The following GAS1 variants were observed in gnomAD, a reference collection of about 807,000 sequenced individuals.
GAS1 encodes the protein growth arrest-specific protein 1.
Under a neutral mutation model 21.6 loss-of-function variants are expected in GAS1, and 10 were observed. The observed-to-expected ratio is 0.46, with a 90% CI of 0.29 to 0.79. The LOEUF is 0.79. Ranked by LOEUF, GAS1 falls within the 30% of genes least tolerant of loss-of-function variation. The pLI, the probability that GAS1 is intolerant of heterozygous loss-of-function variation, is 0.10. For missense variants in GAS1, 567 were observed against 544.3 expected (o/e 1.04, Z -0.42); for synonymous variants, 332 against 264.0 (o/e 1.26, Z -2.50).
chr9:86,946,540 G>C lies in GAS1; in HGVS notation c.240C>G (p.Gly80=). The change falls in exon 1 of 1, where the codon GGC becomes GGG. Residue 80 remains glycine (G), a synonymous_variant. Transcript: ENST00000298743. This position sits in a 1 kb window ranked among gnomAD's most constrained non-coding sequence, Gnocchi z 5.2. ...CGGCGGCCCCGGGCGCGTCGCCCCC[G>C]CCGTGCTGCGCCAGCACCGGCGCGC... ...EACAPVLAQH[G]GGDAPGAAAA... is the part of the protein sequence containing the mutation. The C allele has an allele frequency of 7.2e-7, 1 of 1,397,284 alleles. No individual in the cohort carries two copies. The highest frequency in any genetic ancestry group is 1.5e-5 in the South Asian group (1 of 64,792). 86.6% of individuals were successfully genotyped at this position (1,397,284 alleles called of 1,614,324 possible). A position where few individuals can be genotyped will look rare whatever the true frequency, so the allele number is the denominator to read the frequency against.
In GAS1 at chr9:86,947,358, C is replaced by G. The variant is rs569804569; in HGVS notation, c.-579G>C. ...CCTCCCCCTCCGCCCGCGGCAACCC[C>G]GGCCTCCGCAGAGCTCCGGGGAGCT... On this transcript the variant is annotated 5_prime_UTR_variant, in exon 1 of 1. Transcript: ENST00000298743. Among the ~76,000 whole-genome samples, 1 of 151,990 alleles carries G rather than the reference C, an allele frequency of 6.6e-6. No homozygotes were observed. Among genetic ancestry groups the G allele is most frequent in the South Asian group, 2.1e-4 (1 of 4,828 alleles).
In GAS1 at chr9:86,945,855, G is replaced by C; in HGVS notation, c.925C>G (p.Leu309Val). The change falls in exon 1 of 1, where the codon CTG (leucine) becomes GTG (valine). Residue 309 changes from leucine (L) to valine (V), a missense_variant. Physicochemically the swap from Leu to Val is conservative, Grantham distance 32. Coordinates refer to ENST00000298743, the MANE Select transcript of GAS1 (RefSeq NM_002048.3). ...GAAASGGRGD[L>V]PYGPGRRSSG... The stretch of plus-strand genomic sequence containing the variant: ...CTCCTGCGCCCAGGCCCATAGGGCA[G>C]GTCCCCGCGGCCGCCCGATGCAGCA... The C allele has an allele frequency of 6.7e-7, 1 of 1,484,826 alleles. No homozygotes were observed. Among genetic ancestry groups the C allele is most frequent in the East Asian group, 2.7e-5 (1 of 37,592 alleles). 92.0% of individuals were successfully genotyped at this position (1,484,826 alleles called of 1,614,324 possible). A position where few individuals can be genotyped will look rare whatever the true frequency, so the allele number is the denominator to read the frequency against.
At position 86,945,682 on chromosome 9, in the gene GAS1, G is replaced by C. The variant is rs941614019; in HGVS notation, c.*60C>G. The C allele has an allele frequency of 2.1e-6, 3 of 1,442,450 alleles. No individual in the cohort carries two copies. The highest frequency in any genetic ancestry group is 2.8e-6 in the Non-Finnish European group (3 of 1,090,198). 89.4% of individuals were successfully genotyped at this position (1,442,450 alleles called of 1,614,324 possible). On this transcript the variant is annotated 3_prime_UTR_variant, in exon 1 of 1. Coordinates refer to ENST00000298743, the MANE Select transcript of GAS1 (RefSeq NM_002048.3). The stretch of plus-strand genomic sequence containing the variant: ...AGCCACAGGTGCCCGGCGCGGGGTC[G>C]AGGCGAGCACGGGAGTGGGACGCGG...
rs993153385 is a variant in GAS1, at chr9:86,946,308, G to T, written c.472C>A (p.Pro158Thr). The change falls in exon 1 of 1, where the codon CCC (proline) becomes ACC (threonine). Residue 158 changes from proline to threonine, a missense_variant. By Grantham distance (38) the Pro-to-Thr change is conservative. Coordinates refer to ENST00000298743, the MANE Select transcript of GAS1 (RefSeq NM_002048.3). This position sits in a 1 kb window ranked among gnomAD's most constrained non-coding sequence, Gnocchi z 5.2. ...CAGCCCATGACCCCGCCCGCGCCGG[G>T]GCCGCCCGCGCCGCCGCCGCTCGTC... ...PRTSGGGAGG[P>T]GAGGVMGCTE... 8 of 1,406,588 alleles carry T rather than the reference G, an allele frequency of 5.7e-6. No homozygotes were observed. In the African/African-American group the frequency reaches 1.2e-4, roughly 21 times the overall value. 87.1% of individuals were successfully genotyped at this position (1,406,588 alleles called of 1,614,324 possible). A position where few individuals can be genotyped will look rare whatever the true frequency, so the allele number is the denominator to read the frequency against.
In GAS1 at chr9:86,945,577, T is replaced by A. The variant is rs1307339667; in HGVS notation, c.*165A>T. 3.4e-6 allele frequency: 2 copies of A among 592,896 alleles called. No homozygotes were observed. The highest frequency in any genetic ancestry group is 2.6e-6 in the Non-Finnish European group (1 of 387,258). 36.7% of individuals were successfully genotyped at this position (592,896 alleles called of 1,614,324 possible). ...GCTTCAGGGGAAGTGCCCAGAGTCG[T>A]GGCCGGGGAACCGGCTACACCAAGT... On this transcript the variant is annotated 3_prime_UTR_variant, in exon 1 of 1. Coordinates refer to ENST00000298743, the MANE Select transcript of GAS1 (RefSeq NM_002048.3).
At position 86,946,297 on chromosome 9, in the gene GAS1, G is replaced by A; in HGVS notation, c.483C>T (p.Gly161=). 6.9e-7 allele frequency: 1 copy of A among 1,439,650 alleles called. No individual in the cohort carries two copies. 89.2% of individuals were successfully genotyped at this position (1,439,650 alleles called of 1,614,324 possible). A position where few individuals can be genotyped will look rare whatever the true frequency, so the allele number is the denominator to read the frequency against. ...GGGCCTCGGTGCAGCCCATGACCCC[G>A]CCCGCGCCGGGGCCGCCCGCGCCGC... The part of the protein sequence containing the change: ...SGGGAGGPGA[G]GVMGCTEARR... The change falls in exon 1 of 1, where the codon GGC becomes GGT. Residue 161 remains glycine, a synonymous_variant. Coordinates refer to ENST00000298743, the MANE Select transcript of GAS1 (RefSeq NM_002048.3). The surrounding 1 kb of genome is among the most constrained non-coding windows in gnomAD (Gnocchi z 5.2).
Position 86,945,709 on chromosome 9 carries a change from C to G in GAS1, c.*33G>C, listed in dbSNP as rs1329369276. 3 of 1,518,540 alleles carry G rather than the reference C, an allele frequency of 2.0e-6. No homozygotes were observed. In the Admixed American group the frequency reaches 6.2e-5, roughly 31 times the overall value. The allele number at this position is 1,518,540 out of a possible 1,614,324, so 94.1% of individuals were successfully genotyped here. On this transcript the variant is annotated 3_prime_UTR_variant, in exon 1 of 1. Coordinates refer to ENST00000298743, the MANE Select transcript of GAS1 (RefSeq NM_002048.3). ...GGCGAGCACGGGAGTGGGACGCGGG[C>G]TCTCCCGCAGCCAACGGCGGGGGGC...
At position 86,946,723 on chromosome 9, in the gene GAS1, G is replaced by A. The variant is rs1825502320; in HGVS notation, c.57C>T (p.Gly19=). 1 of 1,350,474 alleles carries A rather than the reference G, an allele frequency of 7.4e-7. No homozygotes were observed. The allele number at this position is 1,350,474 out of a possible 1,614,324, so 83.7% of individuals were successfully genotyped here. ...GGEARGGTVP[G]AWLCLMALLQ... ...GCAGCGCCATCAGGCACAGCCAGGC[G>A]CCCGGCACTGTCCCCCCGCGGGCCT... Residue 19 remains glycine, a synonymous_variant, in exon 1 of 1, where the codon GGC becomes GGT. Transcript: ENST00000298743. This position sits in a 1 kb window ranked among gnomAD's most constrained non-coding sequence, Gnocchi z 5.2.
Position 86,946,087 on chromosome 9 carries a change from G to A in GAS1, c.693C>T (p.Ile231=), listed in dbSNP as rs746435777. The change falls in exon 1 of 1, where the codon ATC becomes ATT. Residue 231 remains isoleucine (I), a synonymous_variant. Transcript: ENST00000298743. The surrounding 1 kb of genome is among the most constrained non-coding windows in gnomAD (Gnocchi z 5.2). ...DCVCDGLERP[I]CESVKENMAR... ...CCATGTTCTCCTTGACCGACTCGCAGATGGGCCGCTCGAGGCCGTCGCACA... is the reference window on the plus strand; with the variant it reads ...CCATGTTCTCCTTGACCGACTCGCAAATGGGCCGCTCGAGGCCGTCGCACA... The A allele has an allele frequency of 1.9e-6, 3 of 1,608,078 alleles. No individual in the cohort carries two copies. The highest frequency in any genetic ancestry group is 2.2e-5 in the South Asian group (2 of 91,064).
At position 86,947,499 on chromosome 9, in the gene GAS1, G is replaced by T. The variant is rs1825521838; in HGVS notation, c.-720C>A. 6.6e-6 allele frequency among the ~76,000 whole-genome samples: 1 copy of T among 152,188 alleles called. No homozygotes were observed. Among genetic ancestry groups the T allele is most frequent in the Non-Finnish European group, 1.5e-5 (1 of 68,036 alleles). ...AGAGCCCGGGGAGCGGATCCGCTGA[G>T]CCCGGCTGCAGACTCGTTAGCAGCG... On this transcript the variant is annotated 5_prime_UTR_variant, in exon 1 of 1. Coordinates refer to ENST00000298743, the MANE Select transcript of GAS1 (RefSeq NM_002048.3).
In GAS1 at chr9:86,946,557, C is replaced by T. The variant is rs1459945620; in HGVS notation, c.223G>A (p.Val75Met). 7.2e-7 allele frequency: 1 copy of T among 1,394,232 alleles called. No homozygotes were observed. Among genetic ancestry groups the T allele is most frequent in the East Asian group, 3.2e-5 (1 of 31,414 alleles). 86.4% of individuals were successfully genotyped at this position (1,394,232 alleles called of 1,614,324 possible). Residue 75 changes from valine to methionine, a missense_variant, in exon 1 of 1, where the codon GTG becomes ATG. Coordinates refer to ENST00000298743, the MANE Select transcript of GAS1 (RefSeq NM_002048.3). This position sits in a 1 kb window ranked among gnomAD's most constrained non-coding sequence, Gnocchi z 5.2. ...YNQYAEACAP[V>M]LAQHGGGDAP... Reference sequence around the variant, plus strand: ...TCGCCCCCGCCGTGCTGCGCCAGCACCGGCGCGCACGCCTCGGCGTACTGG... The same window carrying T: ...TCGCCCCCGCCGTGCTGCGCCAGCATCGGCGCGCACGCCTCGGCGTACTGG...
Position 86,946,415 on chromosome 9 carries a change from C to T in GAS1, c.365G>A (p.Gly122Glu). The T allele has an allele frequency of 6.7e-7, 1 of 1,491,824 alleles. No homozygotes were observed. Among genetic ancestry groups the T allele is most frequent in the Non-Finnish European group, 8.9e-7 (1 of 1,125,232 alleles). The allele number at this position is 1,491,824 out of a possible 1,614,324, so 92.4% of individuals were successfully genotyped here. A position where few individuals can be genotyped will look rare whatever the true frequency, so the allele number is the denominator to read the frequency against. Residue 122 changes from glycine to glutamate, a missense_variant, in exon 1 of 1, where the codon GGG becomes GAG. Coordinates refer to ENST00000298743, the MANE Select transcript of GAS1 (RefSeq NM_002048.3). The surrounding 1 kb of genome is among the most constrained non-coding windows in gnomAD (Gnocchi z 5.2). ...ALIQLNHTRR[G>E]PALEDCDCAQ... ...GCAGTCACAGTCCTCCAGGGCGGGCCCGCGGCGCGTGTGGTTGAGCTGAAT... is the reference window on the plus strand; with the variant it reads ...GCAGTCACAGTCCTCCAGGGCGGGCTCGCGGCGCGTGTGGTTGAGCTGAAT...
chr9:86,946,469 C>T lies in GAS1; in HGVS notation c.311G>A (p.Arg104His), dbSNP rs1159601806. Residue 104 changes from arginine to histidine, a missense_variant, in exon 1 of 1, where the codon CGC (arginine) becomes CAC (histidine). Physicochemically the swap from Arg to His is conservative, Grantham distance 29. Coordinates refer to ENST00000298743, the MANE Select transcript of GAS1 (RefSeq NM_002048.3). This position sits in a 1 kb window ranked among gnomAD's most constrained non-coding sequence, Gnocchi z 5.2. ...ASAASFSSRW[R>H]CPSHCISALI... ...GGCCGAGATGCAGTGACTCGGGCAG[C>T]GCCAGCGCGACGAGAAAGAGGCGGC... 6.8e-7 allele frequency: 1 copy of T among 1,468,210 alleles called. No homozygotes were observed. Among genetic ancestry groups the T allele is most frequent in the South Asian group, 1.3e-5 (1 of 78,132 alleles). The allele number at this position is 1,468,210 out of a possible 1,614,324, so 90.9% of individuals were successfully genotyped here. A position where few individuals can be genotyped will look rare whatever the true frequency, so the allele number is the denominator to read the frequency against.
At position 86,945,838 on chromosome 9, in the gene GAS1, C is replaced by T; in HGVS notation, c.942G>A (p.Gly314=). ...GGRGDLPYGP[G]RRSSGGGGRL... Reference sequence around the variant, plus strand: ...GGCCGCCGCCGCCGCTGCTCCTGCGCCCAGGCCCATAGGGCAGGTCCCCGC... The same window carrying T: ...GGCCGCCGCCGCCGCTGCTCCTGCGTCCAGGCCCATAGGGCAGGTCCCCGC... Residue 314 remains glycine (G), a synonymous_variant, in exon 1 of 1, where the codon GGG becomes GGA. Coordinates refer to ENST00000298743, the MANE Select transcript of GAS1 (RefSeq NM_002048.3). 1 of 1,513,174 alleles carries T rather than the reference C, an allele frequency of 6.6e-7. No homozygotes were observed. Among genetic ancestry groups the T allele is most frequent in the Non-Finnish European group, 8.8e-7 (1 of 1,133,524 alleles). 93.7% of individuals were successfully genotyped at this position (1,513,174 alleles called of 1,614,324 possible). A position where few individuals can be genotyped will look rare whatever the true frequency, so the allele number is the denominator to read the frequency against.
Position 86,945,380 on chromosome 9 carries a change from C to A in GAS1, c.*362G>T. 1 of 194,354 alleles carries A rather than the reference C, an allele frequency of 5.1e-6. No homozygotes were observed. Among genetic ancestry groups the A allele is most frequent in the Non-Finnish European group, 1.0e-5 (1 of 96,542 alleles). 12.0% of individuals were successfully genotyped at this position (194,354 alleles called of 1,614,324 possible). ...TTCAAATTGCTAAGGCCCCACTGGT[C>A]AGCACCTTCCCTTTCGAGTCCAGGA... is the stretch of plus-strand genomic sequence containing the variant. On this transcript the variant is annotated 3_prime_UTR_variant, in exon 1 of 1. Coordinates refer to ENST00000298743, the MANE Select transcript of GAS1 (RefSeq NM_002048.3).
chr9:86,947,301 C>A lies in GAS1; in HGVS notation c.-522G>T. ...TCCTGGCCCGGCGTCCGCGCGCTGC[C>A]CGCCTTCCCGCGGCCCGGCCGCCCC... On this transcript the variant is annotated 5_prime_UTR_variant, in exon 1 of 1. Coordinates refer to ENST00000298743, the MANE Select transcript of GAS1 (RefSeq NM_002048.3). The A allele has an allele frequency of 1.3e-5, 2 of 152,234 alleles. No homozygotes were observed. The highest frequency in any genetic ancestry group is 3.9e-4 in the South Asian group (2 of 5,134). The allele number at this position is 152,234 out of a possible 1,614,324, so 9.4% of individuals were successfully genotyped here. A position where few individuals can be genotyped will look rare whatever the true frequency, so the allele number is the denominator to read the frequency against.
In GAS1 at chr9:86,946,480, C is replaced by G. The variant is rs1317031868; in HGVS notation, c.300G>C (p.Ser100=). The part of the protein sequence containing the change: ...AAFPASAASF[S]SRWRCPSHCI... Reference sequence around the variant, plus strand: ...AGTGACTCGGGCAGCGCCAGCGCGACGAGAAAGAGGCGGCCGAGGCCGGGA... The same window carrying G: ...AGTGACTCGGGCAGCGCCAGCGCGAGGAGAAAGAGGCGGCCGAGGCCGGGA... Residue 100 remains serine (S), a synonymous_variant, in exon 1 of 1, where the codon TCG becomes TCC. Coordinates refer to ENST00000298743, the MANE Select transcript of GAS1 (RefSeq NM_002048.3). The surrounding 1 kb of genome is among the most constrained non-coding windows in gnomAD (Gnocchi z 5.2). 1.4e-6 allele frequency: 2 copies of G among 1,461,926 alleles called. No individual in the cohort carries two copies. The highest frequency in any genetic ancestry group is 2.3e-5 in the Admixed American group (1 of 44,324). 90.6% of individuals were successfully genotyped at this position (1,461,926 alleles called of 1,614,324 possible).
chr9:86,945,859 C>T lies in GAS1; in HGVS notation c.921G>A (p.Gly307=), dbSNP rs941626073. ...GSGAAASGGR[G]DLPYGPGRRS... Reference sequence around the variant, plus strand: ...TGCGCCCAGGCCCATAGGGCAGGTCCCCGCGGCCGCCCGATGCAGCAGCGC... The same window carrying T: ...TGCGCCCAGGCCCATAGGGCAGGTCTCCGCGGCCGCCCGATGCAGCAGCGC... Residue 307 remains glycine (G), a synonymous_variant, in exon 1 of 1, where the codon GGG becomes GGA. Transcript: ENST00000298743. The T allele has an allele frequency of 6.8e-7, 1 of 1,478,654 alleles. No individual in the cohort carries two copies. The allele number at this position is 1,478,654 out of a possible 1,614,324, so 91.6% of individuals were successfully genotyped here.
chr9:86,946,602 C>A lies in GAS1; in HGVS notation c.178G>T (p.Glu60Ter). The A allele has an allele frequency of 6.9e-7, 1 of 1,450,016 alleles. No individual in the cohort carries two copies. The highest frequency in any genetic ancestry group is 9.1e-7 in the Non-Finnish European group (1 of 1,103,964). The allele number at this position is 1,450,016 out of a possible 1,614,324, so 89.8% of individuals were successfully genotyped here. ...TACTGGTTGTAGGCGTAGCTGCACTCCGGCTCCCCCTGGCACTGCAGCAGC... is the reference window on the plus strand; with the variant it reads ...TACTGGTTGTAGGCGTAGCTGCACTACGGCTCCCCCTGGCACTGCAGCAGC... ...QALLQCQGEPECSYAYNQYAE... is the reference protein window; with the variant it reads ...QALLQCQGEP The change falls in exon 1 of 1, where the codon GAG (glutamate) becomes TAG (stop). Residue 60 changes from glutamate (E) to a stop codon, truncating the protein, a stop_gained. Coordinates refer to ENST00000298743, the MANE Select transcript of GAS1 (RefSeq NM_002048.3). LOFTEE classifies it high-confidence loss of function. The surrounding 1 kb of genome is among the most constrained non-coding windows in gnomAD (Gnocchi z 5.2).
Sources: gnomAD v4.1 joint callset for allele counts (sites outside exome capture counted in the v4.1 genomes callset) on GRCh38, gnomAD v4.1.1 for gene constraint, Gnocchi (gnomAD v3.1) non-coding constraint, MANE v1.5 for transcripts, NCBI Gene and HGNC (gene_info 2026-07-23, HGNC 2026-07-21) for gene names.